PTP4A2: variants seen among roughly 807,000 people sequenced by gnomAD.
PTP4A2 encodes protein tyrosine phosphatase type IVA 2.
PTP4A2 carries 2 observed loss-of-function variants against 22.9 expected under a neutral mutation model. The ratio of observed to expected loss-of-function variants is 0.09; its 90% CI spans 0.04 to 0.27. PTP4A2 has a LOEUF of 0.27. Among genes scored for constraint, PTP4A2 ranks in the 10% least tolerant of loss-of-function variants. The probability of loss-of-function intolerance (pLI) is 1.00; values close to 1 mark genes in which losing one functional copy is unlikely to be tolerated. For synonymous variants in PTP4A2, 68 were observed against 69.1 expected (o/e 0.98, Z 0.08); for missense variants, 103 against 205.1 (o/e 0.50, Z 3.04).
chr1:31,914,975 A>G (rs187647410), intron 3 of PTP4A2, among the ~76,000 whole-genome samples: 32 of 152,308 alleles, frequency 2.1e-4, no homozygotes, highest in African/African-American at 7.7e-4. Flanking sequence ...TCATCCTCTT[A>G]TCCCACCTTT....
intron 1 of PTP4A2, among the ~76,000 whole-genome samples, chr1:31,928,739 G>C (rs1286761247): frequency 6.6e-6 from 1 of 151,038 alleles, no homozygotes; most frequent in Non-Finnish European, 1.5e-5. Context: ...TTACTCCCTT[G>C]GTTATTCCCA....
intron 3 of PTP4A2, chr1:31,913,703 C>T: frequency 2.5e-6 from 1 of 405,366 alleles, no homozygotes; most frequent in Non-Finnish European, 4.8e-6. Context: ...ATTTAAAGGC[C>T]TGGAATAAAT....
intron 2 of PTP4A2, among the ~76,000 whole-genome samples, chr1:31,918,301 T>G (rs562024195): frequency 7.3e-4 from 108 of 148,024 alleles, no homozygotes; most frequent in Non-Finnish European, 1.3e-3. Flanking sequence ...GTACAAAGAG[T>G]TTTTTCTCCT....
intron 1 of PTP4A2, among the ~76,000 whole-genome samples, chr1:31,924,326 G>T (rs1399604911): frequency 6.6e-6 from 1 of 152,168 alleles, no homozygotes; most frequent in Non-Finnish European, 1.5e-5. Context: ...GTATGTTCTA[G>T]CACTTTTAAC....
At chr1:31,916,673 C>G (rs1651864999) in intron 2 of PTP4A2, among the ~76,000 whole-genome samples, 2 of 152,248 alleles carry the variant, frequency 1.3e-5, no homozygotes, top group African/African-American at 4.8e-5. Context: ...TTAGAAACCA[C>G]ATTAATGGTC....
chr1:31,918,750 T>G (rs1339030935), intron 2 of PTP4A2, among the ~76,000 whole-genome samples: 1 of 152,152 alleles, frequency 6.6e-6, no homozygotes, highest in Non-Finnish European at 1.5e-5. Context: ...TGTCAATAAA[T>G]GTAGAAAGAA....
At chr1:31,932,840 C>T (rs1179938901) in intron 1 of PTP4A2, 1 of 152,214 alleles carries the variant, frequency 6.6e-6, no homozygotes, top group Admixed American at 6.5e-5. Flanking sequence ...TTCAGCTCTA[C>T]ACTAAGCAAC....
At chr1:31,910,205 G>A (rs770835484) in intron 4 of PTP4A2, 93 bp from the exon 5 acceptor site, 5 of 910,158 alleles carry the variant, frequency 5.5e-6, no homozygotes, top group Non-Finnish European at 8.7e-6. Flanking sequence ...TGCAACGCAT[G>A]AGCTTTCTTT....
At chr1:31,917,824 A>G (rs985590610) in intron 2 of PTP4A2, among the ~76,000 whole-genome samples, 2 of 151,854 alleles carry the variant, frequency 1.3e-5, no homozygotes, top group Middle Eastern at 3.4e-3. Context: ...AAATACAAAA[A>G]TTAGCTGGGT....
At chr1:31,927,681 G>A (rs996240642) in intron 1 of PTP4A2, among the ~76,000 whole-genome samples, 36 of 152,086 alleles carry the variant, frequency 2.4e-4, no homozygotes, top group African/African-American at 8.7e-4. Flanking sequence ...GATAAGAAGG[G>A]GTCAGTTTCA....
chr1:31,932,211 G>A (rs1231625073), intron 1 of PTP4A2, among the ~76,000 whole-genome samples: 2 of 152,252 alleles, frequency 1.3e-5, no homozygotes, highest in East Asian at 3.9e-4. Flanking sequence ...TATATCATGT[G>A]TACATTTTAT....
intron 1 of PTP4A2, among the ~76,000 whole-genome samples, chr1:31,927,098 CTT>C (rs755628595): frequency 6.6e-6 from 1 of 152,168 alleles, no homozygotes; most frequent in Non-Finnish European, 1.5e-5. Flanking sequence ...AAGCATTTGA[CTT>C]TTATTCAGAA....
chr1:31,926,149 A>AAATATATATATATATATATATAT (rs59088489), intron 1 of PTP4A2, among the ~76,000 whole-genome samples: 1 of 131,340 alleles, frequency 7.6e-6, no homozygotes, highest in African/African-American at 2.8e-5. Context: ...AAAAAAAAAA[A>AAATATATATATATATATATATAT]ATATATATAT....
intron 1 of PTP4A2, among the ~76,000 whole-genome samples, chr1:31,922,581 G>GGTTT (rs1281132222): frequency 5.3e-4 from 77 of 145,814 alleles, no homozygotes; most frequent in East Asian, 2.5e-3. Context: ...CAAAAACCCA[G>GGTTT]GTTTGTTTCT....
rs1652006910 is a variant in PTP4A2, at chr1:31,919,058, C to T, written c.8G>A (p.Arg3His). 1 of 1,587,762 alleles carries T rather than the reference C, an allele frequency of 6.3e-7. No individual in the cohort carries two copies. Among genetic ancestry groups the T allele is most frequent in the South Asian group, 1.1e-5 (1 of 90,394 alleles). ...ATAGGAGATCTCCACAGGGGCTGGA[C>T]GGTTCATTATGGCAAATAAAAAGTG... MN[R>H]PAPVEISYEN... Residue 3 changes from arginine to histidine, a missense_variant, in exon 2 of 6, where the codon CGT (arginine) becomes CAT (histidine). By Grantham distance (29) the Arg-to-His change is conservative. Coordinates refer to ENST00000647444, the MANE Select transcript of PTP4A2 (RefSeq NM_080391.4).
chr1:31,923,435 C>T (rs1235103442), intron 1 of PTP4A2, among the ~76,000 whole-genome samples: 6 of 149,016 alleles, frequency 4.0e-5, no homozygotes, highest in African/African-American at 7.4e-5. Context: ...CCCGGGTTCA[C>T]GCCATTCTCC....
chr1:31,934,336 A>C (rs1343905903), intron 1 of PTP4A2, among the ~76,000 whole-genome samples: 1 of 152,234 alleles, frequency 6.6e-6, no homozygotes, highest in African/African-American at 2.4e-5. Context: ...TCTTCTATTC[A>C]ACAAATATAG....
intron 4 of PTP4A2, 191 bp from the exon 5 acceptor site, chr1:31,910,303 G>A: frequency 2.0e-6 from 1 of 506,706 alleles, no homozygotes; most frequent in Non-Finnish European, 3.6e-6. Flanking sequence ...TTTTGGCGGG[G>A]CAGGGGACAG....
At position 31,926,135 on chromosome 1, in the gene PTP4A2, TA is replaced by T. The variant is rs138462840; in HGVS notation, c.-593-6478del. On this transcript the variant is annotated intron_variant, in intron 1 of 5. Transcript: ENST00000647444. ...AGAGCTAGATTCCGTTTCAAAAAAT[TA>T]AAAAAAAAAAAAAATATATATATAT... Among the ~76,000 whole-genome samples, 598 of 120,560 alleles carry T rather than the reference TA, an allele frequency of 5.0e-3. 3 individuals are homozygous for T. The highest frequency in any genetic ancestry group is 0.014 in the Middle Eastern group (3 of 220). 79.1% of individuals were successfully genotyped at this position (120,560 alleles called of 152,430 possible).
Sources: gnomAD v4.1 joint callset for allele counts (sites outside exome capture counted in the v4.1 genomes callset) on GRCh38, gnomAD v4.1.1 for gene constraint, MANE v1.5 for transcripts, NCBI Gene and HGNC (gene_info 2026-07-23, HGNC 2026-07-21) for gene names.